ELK4: variants seen among roughly 807,000 people sequenced by gnomAD.
ELK4 encodes ETS domain-containing protein Elk-4.
ELK4 carries 16 observed loss-of-function variants against 29.6 expected under a neutral mutation model. The observed-to-expected ratio is 0.54, with a 90% CI of 0.37 to 0.82. ELK4 has a LOEUF of 0.82. ELK4 is among the 40% of genes least tolerant of loss of function. The probability of loss-of-function intolerance (pLI) is 0.00; values close to 1 mark genes in which losing one functional copy is unlikely to be tolerated. For missense variants in ELK4, 465 were observed against 507.1 expected (o/e 0.92, Z 0.80); for synonymous variants, 213 against 191.1 (o/e 1.11, Z -0.95).
chr1:205,630,680 T>G (rs1244108898), intron 1 of ELK4, among the ~76,000 whole-genome samples: 1 of 152,222 alleles, frequency 6.6e-6, no homozygotes, highest in African/African-American at 2.4e-5. Context: ...AGACACTACC[T>G]CACTAGGAAT....
intron 1 of ELK4, 21 bp downstream of exon 1, chr1:205,631,611 C>T (rs1310826201): frequency 8.7e-6 from 2 of 229,362 alleles, no homozygotes; most frequent in South Asian, 4.6e-5. Flanking sequence ...CCCGAGGGGG[C>T]GCGCGGGGCT....
Position 205,611,752 on chromosome 1 carries a change from C to A in ELK4, c.*4794G>T, listed in dbSNP as rs908795886. On this transcript the variant is annotated 3_prime_UTR_variant, in exon 5 of 5. Transcript: ENST00000357992. ...ATTCATTTAGAGCCCCAGATTTCTG[C>A]ACAGAGACCTGCATTGGTCTCCAAA... is the stretch of plus-strand genomic sequence containing the variant. The A allele has an allele frequency of 5.1e-6, 1 of 194,214 alleles. No individual in the cohort carries two copies. The highest frequency in any genetic ancestry group is 2.3e-5 in the African/African-American group (1 of 43,204). 12.0% of individuals were successfully genotyped at this position (194,214 alleles called of 1,614,324 possible).
In ELK4 at chr1:205,631,670, G is replaced by T; in HGVS notation, c.-48C>A. ...GGGGCTCCCCCTCGGTCTCCGCCTCGAACACGATGCGCCTCTCCGCCCTCA... is the reference window on the plus strand; with the variant it reads ...GGGGCTCCCCCTCGGTCTCCGCCTCTAACACGATGCGCCTCTCCGCCCTCA... On this transcript the variant is annotated 5_prime_UTR_variant, in exon 1 of 5. Transcript: ENST00000357992. 2.9e-6 allele frequency: 1 copy of T among 344,610 alleles called. No individual in the cohort carries two copies. The highest frequency in any genetic ancestry group is 6.0e-6 in the Non-Finnish European group (1 of 167,564). The allele number at this position is 344,610 out of a possible 1,614,324, so 21.3% of individuals were successfully genotyped here.
chr1:205,615,347 C>T lies in ELK4; in HGVS notation c.*1199G>A, dbSNP rs191640638. ...CGGAGCTTACAGTGAGCTGAGATCG[C>T]GCCACTGCACTCCAGCCTGGGTGAT... On this transcript the variant is annotated 3_prime_UTR_variant, in exon 5 of 5. Transcript: ENST00000357992. The T allele has an allele frequency of 2.8e-3, 414 of 148,582 alleles. 10 individuals are homozygous for T. The highest frequency in any genetic ancestry group is 0.025 in the Admixed American group (336 of 13,382). 9.2% of individuals were successfully genotyped at this position (148,582 alleles called of 1,614,324 possible).
rs1173934378 is a variant in ELK4 at position 205,614,192 on chromosome 1, C to T, written c.*2354G>A. ...ACTAAAATGGTTTACTAGGAAGTTG[C>T]TTCAACTGAGTTTCAATGGTGCCCT... On this transcript the variant is annotated 3_prime_UTR_variant, in exon 5 of 5. Transcript: ENST00000357992. 4.5e-6 allele frequency: 1 copy of T among 220,404 alleles called. No individual in the cohort carries two copies. The highest frequency in any genetic ancestry group is 2.2e-5 in the African/African-American group (1 of 44,658). The allele number at this position is 220,404 out of a possible 1,614,324, so 13.7% of individuals were successfully genotyped here. A position where few individuals can be genotyped will look rare whatever the true frequency, so the allele number is the denominator to read the frequency against.
Position 205,610,864 on chromosome 1 carries a change from A to G in ELK4, c.*5682T>C. The G allele has an allele frequency of 4.3e-6, 1 of 230,626 alleles. No homozygotes were observed. The highest frequency in any genetic ancestry group is 8.6e-6 in the Non-Finnish European group (1 of 116,426). 14.3% of individuals were successfully genotyped at this position (230,626 alleles called of 1,614,324 possible). On this transcript the variant is annotated 3_prime_UTR_variant, in exon 5 of 5. Transcript: ENST00000357992. Reference sequence around the variant, plus strand: ...AGGACAATAAATCAGAATGACTTGGAAAAAGAAATGGTCTAGTCTCCCAAT... The same window carrying G: ...AGGACAATAAATCAGAATGACTTGGGAAAAGAAATGGTCTAGTCTCCCAAT...
chr1:205,629,102 C>T (rs1217349732), intron 1 of ELK4, among the ~76,000 whole-genome samples: 1 of 137,730 alleles, frequency 7.3e-6, no homozygotes, highest in African/African-American at 2.8e-5. Context: ...ACCCGAGAGG[C>T]GGAGCTTGCA....
Position 205,614,724 on chromosome 1 carries a change from T to C in ELK4, c.*1822A>G, listed in dbSNP as rs1206460629. The C allele has an allele frequency of 1.3e-5, 3 of 225,276 alleles. No individual in the cohort carries two copies. Among genetic ancestry groups the C allele is most frequent in the African/African-American group, 6.7e-5 (3 of 44,992 alleles). The allele number at this position is 225,276 out of a possible 1,614,324, so 14.0% of individuals were successfully genotyped here. ...ATAAGCACATTTAAAGTAAATACCATGCATCTGAAGATGCTAGTTTGTAAC... is the reference window on the plus strand; with the variant it reads ...ATAAGCACATTTAAAGTAAATACCACGCATCTGAAGATGCTAGTTTGTAAC... On this transcript the variant is annotated 3_prime_UTR_variant, in exon 5 of 5. Coordinates refer to ENST00000357992, the MANE Select transcript of ELK4 (RefSeq NM_001973.4).
intron 1 of ELK4, among the ~76,000 whole-genome samples, chr1:205,630,946 C>A (rs1197243584): frequency 6.6e-6 from 1 of 152,192 alleles, no homozygotes; most frequent in Non-Finnish European, 1.5e-5. Flanking sequence ...TTAAATTCCC[C>A]AAATTTCAAA....
Position 205,611,093 on chromosome 1 carries a change from T to C in ELK4, c.*5453A>G. The C allele has an allele frequency of 4.7e-6, 1 of 214,788 alleles. No homozygotes were observed. Among genetic ancestry groups the C allele is most frequent in the East Asian group, 7.0e-5 (1 of 14,266 alleles). 13.3% of individuals were successfully genotyped at this position (214,788 alleles called of 1,614,324 possible). ...CTTAGAGCCAGTATTTCCCCTCTCA[T>C]ACAAACCACTCTGGATTTTCATATT... On this transcript the variant is annotated 3_prime_UTR_variant, in exon 5 of 5. Transcript: ENST00000357992.
intron 1 of ELK4, among the ~76,000 whole-genome samples, chr1:205,631,353 T>C (rs887813447): frequency 6.6e-6 from 1 of 151,832 alleles, no homozygotes; most frequent in Non-Finnish European, 1.5e-5. Context: ...ATTGCTCCCC[T>C]CCTCCCCATC....
intron 1 of ELK4, among the ~76,000 whole-genome samples, chr1:205,628,968 T>C (rs953167196): frequency 1.3e-4 from 19 of 151,176 alleles, no homozygotes; most frequent in Non-Finnish European, 2.1e-4. Flanking sequence ...GGTCAGGAGA[T>C]GGAGACCATC....
chr1:205,626,775 A>C (rs983109805), intron 1 of ELK4, among the ~76,000 whole-genome samples: 1 of 152,234 alleles, frequency 6.6e-6, no homozygotes, highest in Non-Finnish European at 1.5e-5. Context: ...AGTTTAATAC[A>C]TGACTCAACA....
intron 1 of ELK4, among the ~76,000 whole-genome samples, chr1:205,628,179 C>T (rs1000828065): frequency 6.6e-6 from 1 of 152,150 alleles, no homozygotes; most frequent in Non-Finnish European, 1.5e-5. Flanking sequence ...GCTAAAATAG[C>T]GGTTTTATAC....
intron 4 of ELK4, 69 bp downstream of exon 4, chr1:205,618,888 C>T: frequency 8.6e-7 from 1 of 1,156,576 alleles, no homozygotes; most frequent in Non-Finnish European, 1.3e-6. Context: ...AATAGTGGGA[C>T]CCTGCCTTTT....
At position 205,615,168 on chromosome 1, in the gene ELK4, G is replaced by A. The variant is rs1025400407; in HGVS notation, c.*1378C>T. 1.2e-5 allele frequency: 2 copies of A among 173,616 alleles called. No individual in the cohort carries two copies. Among genetic ancestry groups the A allele is most frequent in the East Asian group, 1.0e-4 (1 of 9,990 alleles). 10.8% of individuals were successfully genotyped at this position (173,616 alleles called of 1,614,324 possible). A position where few individuals can be genotyped will look rare whatever the true frequency, so the allele number is the denominator to read the frequency against. On this transcript the variant is annotated 3_prime_UTR_variant, in exon 5 of 5. Coordinates refer to ENST00000357992, the MANE Select transcript of ELK4 (RefSeq NM_001973.4). ...GCGCCTTTGGGAGGCTGAGGTGGGC[G>A]GATCACAAGGTCAAGAGATCAAGAC...
At position 205,620,847 on chromosome 1, in the gene ELK4, T is replaced by TAAAAA. The variant is rs533252798; in HGVS notation, c.208-14_208-10dup. On this transcript the variant is annotated splice_polypyrimidine_tract_variant and intron_variant, in intron 2 of 4. Coordinates refer to ENST00000357992, the MANE Select transcript of ELK4 (RefSeq NM_001973.4). ...ACTTTTTTGATGATATTCTGTAGGT[T>TAAAAA]AAAAAAAAAAGCATTTTTATCCTTT... The TAAAAA allele has an allele frequency of 7.0e-5, 96 of 1,374,374 alleles. No homozygotes were observed. In the African/African-American group the frequency reaches 1.2e-3, roughly 18 times the overall value. The allele number at this position is 1,374,374 out of a possible 1,614,324, so 85.1% of individuals were successfully genotyped here. A position where few individuals can be genotyped will look rare whatever the true frequency, so the allele number is the denominator to read the frequency against.
chr1:205,622,872 T>G (rs1009847468), intron 2 of ELK4, among the ~76,000 whole-genome samples: 2 of 152,206 alleles, frequency 1.3e-5, no homozygotes, highest in Admixed American at 6.5e-5. Context: ...CTGTGATGGC[T>G]CACGCCTATA....
At chr1:205,618,467 T>C (rs1670273175) in intron 4 of ELK4, among the ~76,000 whole-genome samples, 1 of 152,218 alleles carries the variant, frequency 6.6e-6, no homozygotes, top group East Asian at 1.9e-4. Context: ...AACTTTGCTA[T>C]ATTTATTCAA....
Sources: allele counts gnomAD v4.1 joint callset (sites outside exome capture counted in the v4.1 genomes callset), GRCh38; gene constraint gnomAD v4.1.1; transcripts MANE v1.5; gene names NCBI Gene and HGNC (gene_info 2026-07-23, HGNC 2026-07-21).